The following HTR4 variants were observed in gnomAD, a reference collection of about 807,000 sequenced individuals.
HTR4 encodes the protein 5-hydroxytryptamine (serotonin) receptor 4, G protein-coupled.
A neutral mutation model predicts 36.8 loss-of-function variants in HTR4; 16 were observed. That is an observed-to-expected ratio of 0.43 (90% CI 0.29 to 0.66). The LOEUF is 0.66. Among genes scored for constraint, HTR4 ranks in the 30% least tolerant of loss-of-function variants. HTR4 has a pLI of 0.13. For missense variants in HTR4, 438 were observed against 490.9 expected (o/e 0.89, Z 1.02); for synonymous variants, 189 against 185.1 (o/e 1.02, Z -0.17).
chr5:148,482,986 TAAA>T lies in HTR4; in HGVS notation c.*214_*216del. ...TCTGGGAAGAGGGAGTGTTGGGAAA[TAAA>T]AAGTGAACAAGGAGGCCATTATGTC... On this transcript the variant is annotated 3_prime_UTR_variant, in exon 7 of 7. Coordinates refer to ENST00000377888, the MANE Select transcript of HTR4 (RefSeq NM_000870.7). 7.1e-7 allele frequency: 1 copy of T among 1,411,500 alleles called. No individual in the cohort carries two copies. The highest frequency in any genetic ancestry group is 2.6e-5 in the East Asian group (1 of 38,338). The allele number at this position is 1,411,500 out of a possible 1,614,324, so 87.4% of individuals were successfully genotyped here.
At chr5:148,511,194 A>G (rs1757483054) in intron 5 of HTR4, among the ~76,000 whole-genome samples, 1 of 152,214 alleles carries the variant, frequency 6.6e-6, no homozygotes, top group African/African-American at 2.4e-5. Flanking sequence ...TTGAACCAAA[A>G]TACGTATAAA....
Position 148,481,568 on chromosome 5 carries a change from TGG to T in HTR4, c.*1633_*1634del. 1 of 1,527,826 alleles carries T rather than the reference TGG, an allele frequency of 6.5e-7. No homozygotes were observed. Among genetic ancestry groups the T allele is most frequent in the Non-Finnish European group, 8.7e-7 (1 of 1,144,964 alleles). The allele number at this position is 1,527,826 out of a possible 1,614,324, so 94.6% of individuals were successfully genotyped here. A position where few individuals can be genotyped will look rare whatever the true frequency, so the allele number is the denominator to read the frequency against. ...TTTCTTTTTCTTTTTGGCATTTGGATGGTTTGGTCAATCTTCTCTTCCTTATT... is the reference window on the plus strand; with the variant it reads ...TTTCTTTTTCTTTTTGGCATTTGGATTTTGGTCAATCTTCTCTTCCTTATT... On this transcript the variant is annotated 3_prime_UTR_variant, in exon 7 of 7. Transcript: ENST00000377888.
intron 5 of HTR4, among the ~76,000 whole-genome samples, chr5:148,456,734 G>T (rs1755110716): frequency 6.6e-6 from 1 of 152,226 alleles, no homozygotes. Flanking sequence ...AAGAATACAG[G>T]TTCTTGAGGC....
At chr5:148,539,206 C>G (rs1232285871) in intron 4 of HTR4, among the ~76,000 whole-genome samples, 8 of 152,158 alleles carry the variant, frequency 5.3e-5, no homozygotes, top group Admixed American at 3.9e-4. Context: ...CTTTCTTACA[C>G]CATATACAAA....
intron 5 of HTR4, among the ~76,000 whole-genome samples, chr5:148,514,748 T>C (rs993633358): frequency 2.0e-5 from 3 of 152,224 alleles, no homozygotes; most frequent in Admixed American, 1.3e-4. Flanking sequence ...TGTATCATCC[T>C]CTTGAATTGA....
chr5:148,463,165 C>CTTTTTTTTTTTTTTTTTT lies in HTR4; in HGVS notation c.1077-11911_1077-11894dup, dbSNP rs71001490. Among the ~76,000 whole-genome samples the CTTTTTTTTTTTTTTTTTT allele has an allele frequency of 1.4e-3, 90 of 64,140 alleles. 6 individuals carry two copies. Among genetic ancestry groups the CTTTTTTTTTTTTTTTTTT allele is most frequent in the Non-Finnish European group, 1.6e-3 (60 of 36,450 alleles). The allele number at this position is 64,140 out of a possible 152,430, so 42.1% of individuals were successfully genotyped here. On this transcript the variant is annotated intron_variant, in intron 5 of 5. Coordinates refer to the HTR4 transcript ENST00000521530. ...CTTTGCTTTTCATTTCTTTTTTTTT[C>CTTTTTTTTTTTTTTTTTT]TTTTTTTTTTTTTTTTTTTTTTTTT... is the stretch of plus-strand genomic sequence containing the variant.
At chr5:148,608,634 T>C (rs1242674933) in intron 2 of HTR4, among the ~76,000 whole-genome samples, 1 of 152,196 alleles carries the variant, frequency 6.6e-6, no homozygotes, top group Non-Finnish European at 1.5e-5. Flanking sequence ...GGGGAACTAC[T>C]GAAGGCTTTT....
At chr5:148,624,242 T>C (rs141488029) in intron 2 of HTR4, among the ~76,000 whole-genome samples, 1 of 152,330 alleles carries the variant, frequency 6.6e-6, no homozygotes, top group East Asian at 1.9e-4. Context: ...AGCTGTAATG[T>C]GGTAGTCAGG....
intron 5 of HTR4, among the ~76,000 whole-genome samples, chr5:148,454,323 A>G (rs1489640940): frequency 6.6e-6 from 1 of 152,218 alleles, no homozygotes; most frequent in Non-Finnish European, 1.5e-5. Flanking sequence ...AATATGTTGA[A>G]GCTAAAATTA....
At chr5:148,600,990 A>AC (rs1761970194) in intron 2 of HTR4, among the ~76,000 whole-genome samples, 5 of 148,262 alleles carry the variant, frequency 3.4e-5, no homozygotes, top group Non-Finnish European at 7.5e-5. Flanking sequence ...AAAAAAAAAA[A>AC]AAAAAAAAAA....
At chr5:148,527,129 T>A (rs1415911395) in intron 4 of HTR4, among the ~76,000 whole-genome samples, 1 of 152,182 alleles carries the variant, frequency 6.6e-6, no homozygotes, top group Non-Finnish European at 1.5e-5. Context: ...TATCAAAATA[T>A]CACATGTACC....
At chr5:148,576,614 A>T (rs1760931350) in intron 2 of HTR4, among the ~76,000 whole-genome samples, 1 of 152,150 alleles carries the variant, frequency 6.6e-6, no homozygotes, top group Non-Finnish European at 1.5e-5. Flanking sequence ...ACTGGTACAA[A>T]AACAGGCACC....
At chr5:148,513,021 A>G (rs1757568127) in intron 5 of HTR4, among the ~76,000 whole-genome samples, 1 of 150,674 alleles carries the variant, frequency 6.6e-6, no homozygotes, top group Non-Finnish European at 1.5e-5. Context: ...TTTTTTTTAC[A>G]GGGTCATGCT....
chr5:148,560,429 A>C (rs932532957), intron 2 of HTR4, among the ~76,000 whole-genome samples: 4 of 152,170 alleles, frequency 2.6e-5, no homozygotes, highest in African/African-American at 9.6e-5. Context: ...GTTCCCAGGT[A>C]ATGCTGATGT....
chr5:148,632,805 A>G (rs1294245984), intron 2 of HTR4, among the ~76,000 whole-genome samples: 1 of 152,180 alleles, frequency 6.6e-6, no homozygotes, highest in Non-Finnish European at 1.5e-5. Context: ...GAGGAAAACC[A>G]CGTGTCAGCC....
At chr5:148,519,684 G>A (rs1757922057) in intron 5 of HTR4, among the ~76,000 whole-genome samples, 1 of 152,162 alleles carries the variant, frequency 6.6e-6, no homozygotes, top group East Asian at 1.9e-4. Flanking sequence ...ACAAAGCAGT[G>A]GAAGCATTGT....
intron 4 of HTR4, among the ~76,000 whole-genome samples, chr5:148,532,933 A>G (rs890112462): frequency 6.6e-6 from 1 of 152,156 alleles, no homozygotes; most frequent in Admixed American, 6.5e-5. Context: ...TTGCTAGTGG[A>G]TTGGAGAACA....
At chr5:148,503,976 G>A (rs114941462) in intron 6 of HTR4, among the ~76,000 whole-genome samples, 3,081 of 152,208 alleles carry the variant, frequency 0.02, 52 homozygotes, top group Middle Eastern at 0.048. Flanking sequence ...CAATACAGGC[G>A]GACCCAGATT....
chr5:148,543,955 A>G (rs770662319), intron 4 of HTR4, among the ~76,000 whole-genome samples: 6 of 152,318 alleles, frequency 3.9e-5, no homozygotes, highest in Non-Finnish European at 7.4e-5. Context: ...GGGAACTCCC[A>G]GCACTGAAGC....
Sources: gnomAD v4.1 joint callset for allele counts (sites outside exome capture counted in the v4.1 genomes callset) on GRCh38, gnomAD v4.1.1 for gene constraint, MANE v1.5 for transcripts, NCBI Gene and HGNC (gene_info 2026-07-23, HGNC 2026-07-21) for gene names.